STXBP6: variants seen among roughly 807,000 people sequenced by gnomAD.
STXBP6 encodes the protein syntaxin-binding protein 6.
STXBP6 carries 21 observed loss-of-function variants against 26.9 expected under a neutral mutation model. The ratio of observed to expected loss-of-function variants is 0.78; its 90% CI spans 0.55 to 1.12. The LOEUF (loss-of-function observed/expected upper bound fraction) is 1.12, where lower values mean the gene tolerates loss of function less well. Ranked by LOEUF, STXBP6 falls within the 50% of genes most tolerant of loss-of-function variation. STXBP6 has a pLI of 0.00. For missense variants in STXBP6, 232 were observed against 257.9 expected (o/e 0.90, Z 0.69); for synonymous variants, 97 against 92.6 (o/e 1.05, Z -0.27).
At chr14:24,841,686 G>C (rs1018758150) in intron 4 of STXBP6, among the ~76,000 whole-genome samples, 5 of 152,094 alleles carry the variant, frequency 3.3e-5, no homozygotes, top group African/African-American at 1.2e-4. Context: ...GGCCAGTCTA[G>C]AGTTTATTCT....
At chr14:25,026,988 T>C (rs976695797) in intron 1 of STXBP6, among the ~76,000 whole-genome samples, 6 of 152,184 alleles carry the variant, frequency 3.9e-5, no homozygotes, top group Non-Finnish European at 7.3e-5. Context: ...CATGCATACA[T>C]ACATATTGTT....
intron 4 of STXBP6, among the ~76,000 whole-genome samples, chr14:24,855,109 G>C (rs2069281619): frequency 6.6e-6 from 1 of 152,054 alleles, no homozygotes; most frequent in Non-Finnish European, 1.5e-5. Context: ...CTAGGACAGA[G>C]TAATGGATTC....
Position 24,916,329 on chromosome 14 carries a change from C to T in STXBP6, c.154+58336G>A, listed in dbSNP as rs549920252. On this transcript the variant is annotated intron_variant, in intron 2 of 5. Transcript: ENST00000323944. ...GAAATCTATAAATCAGCCAGTTGGA[C>T]GCTGTGCTCATCAAAGCATAATCAC... Among the ~76,000 whole-genome samples, 10 of 152,184 alleles carry T rather than the reference C, an allele frequency of 6.6e-5. No individual in the cohort carries two copies. The East Asian group carries it at 9.6e-4, about 15-fold the overall frequency.
intron 2 of STXBP6, among the ~76,000 whole-genome samples, chr14:24,949,412 G>A (rs1338108994): frequency 6.6e-6 from 1 of 152,124 alleles, no homozygotes; most frequent in African/African-American, 2.4e-5. Context: ...GTGGGTACTT[G>A]AGTTAAGCAC....
intron 2 of STXBP6, among the ~76,000 whole-genome samples, chr14:24,892,951 C>T (rs1003033266): frequency 3.3e-5 from 5 of 152,144 alleles, no homozygotes; most frequent in South Asian, 2.1e-4. Flanking sequence ...TTCCACATTC[C>T]GCTGCTTTGA....
At chr14:24,985,121 T>C (rs939527523) in intron 1 of STXBP6, among the ~76,000 whole-genome samples, 1 of 152,218 alleles carries the variant, frequency 6.6e-6, no homozygotes, top group African/African-American at 2.4e-5. Context: ...GGATATCTGT[T>C]CATCTTGTGT....
intron 4 of STXBP6, among the ~76,000 whole-genome samples, chr14:24,833,882 A>T (rs185941609): frequency 6.6e-6 from 1 of 152,388 alleles, no homozygotes; most frequent in Non-Finnish European, 1.5e-5. Context: ...GAGTAAAAAA[A>T]CCAAAACAGA....
intron 4 of STXBP6, among the ~76,000 whole-genome samples, chr14:24,824,474 C>G (rs1435445638): frequency 6.6e-6 from 1 of 152,132 alleles, no homozygotes; most frequent in Non-Finnish European, 1.5e-5. Context: ...GCAAAGCCTA[C>G]CCGGTGATAG....
intron 2 of STXBP6, among the ~76,000 whole-genome samples, chr14:24,911,148 G>C (rs1287563872): frequency 6.6e-6 from 1 of 151,986 alleles, no homozygotes. Context: ...AACATAGTGA[G>C]ACTTTGTCTC....
At chr14:25,016,035 T>TA (rs1409205619) in intron 1 of STXBP6, among the ~76,000 whole-genome samples, 1 of 152,152 alleles carries the variant, frequency 6.6e-6, no homozygotes, top group Non-Finnish European at 1.5e-5. Flanking sequence ...GTTCCTCAAC[T>TA]AAAAAATAAA....
At chr14:24,973,547 G>A (rs952203515) in intron 2 of STXBP6, among the ~76,000 whole-genome samples, 1 of 151,650 alleles carries the variant, frequency 6.6e-6, no homozygotes, top group African/African-American at 2.4e-5. Flanking sequence ...CATCATGCCT[G>A]GCTAATTTTT....
chr14:24,898,531 G>T (rs758906503), intron 2 of STXBP6, among the ~76,000 whole-genome samples: 1 of 152,126 alleles, frequency 6.6e-6, no homozygotes, highest in Non-Finnish European at 1.5e-5. Context: ...ACAAAAACTA[G>T]CTGGGCGTGG....
intron 2 of STXBP6, among the ~76,000 whole-genome samples, chr14:24,895,561 T>C (rs1416138070): frequency 6.6e-6 from 1 of 152,190 alleles, no homozygotes; most frequent in African/African-American, 2.4e-5. Flanking sequence ...GCCAAATGCT[T>C]TCTAGTAGAG....
chr14:25,000,213 C>A (rs919123441), intron 1 of STXBP6, among the ~76,000 whole-genome samples: 5 of 152,068 alleles, frequency 3.3e-5, no homozygotes, highest in Non-Finnish European at 7.4e-5. Flanking sequence ...CAGGCGCCTG[C>A]CACCACGCCT....
At chr14:24,980,057 T>C (rs541932134) in intron 1 of STXBP6, among the ~76,000 whole-genome samples, 11 of 152,326 alleles carry the variant, frequency 7.2e-5, no homozygotes, top group African/African-American at 2.6e-4. Context: ...TGGAGAAATG[T>C]TAAATTACTT....
At chr14:25,040,198 T>C (rs562298371) in intron 1 of STXBP6, among the ~76,000 whole-genome samples, 2 of 152,298 alleles carry the variant, frequency 1.3e-5, no homozygotes, top group East Asian at 3.9e-4. Context: ...TGGGGCCATA[T>C]GAATGAGCCA....
intron 2 of STXBP6, among the ~76,000 whole-genome samples, chr14:24,913,057 G>C (rs976868488): frequency 2.0e-5 from 3 of 152,048 alleles, no homozygotes; most frequent in Admixed American, 6.6e-5. Context: ...ACCCTGCCAG[G>C]AGACGGGTAT....
At chr14:24,902,935 C>A (rs1001966494) in intron 2 of STXBP6, among the ~76,000 whole-genome samples, 2 of 151,952 alleles carry the variant, frequency 1.3e-5, no homozygotes, top group African/African-American at 4.8e-5. Context: ...AGAATTTTAC[C>A]AAGGACTATA....
chr14:24,881,283 G>C (rs2070347217), intron 2 of STXBP6, among the ~76,000 whole-genome samples: 1 of 152,116 alleles, frequency 6.6e-6, no homozygotes, highest in Non-Finnish European at 1.5e-5. Flanking sequence ...TCTTTCTAAA[G>C]GCCATGGTGG....
Sources: allele counts gnomAD v4.1 joint callset (sites outside exome capture counted in the v4.1 genomes callset), GRCh38; gene constraint gnomAD v4.1.1; transcripts MANE v1.5; gene names NCBI Gene and HGNC (gene_info 2026-07-23, HGNC 2026-07-21).